RGS6: variants seen among roughly 807,000 people sequenced by gnomAD.
The protein encoded by RGS6 is regulator of G protein signaling 6.
A neutral mutation model predicts 78.5 loss-of-function variants in RGS6; 30 were observed. The observed-to-expected ratio is 0.38, with a 90% CI of 0.29 to 0.52. RGS6 has a LOEUF of 0.52. Among genes scored for constraint, RGS6 ranks in the 20% least tolerant of loss-of-function variants. RGS6 has a pLI of 0.85. For synonymous variants in RGS6, 206 were observed against 206.0 expected (o/e 1.00, Z 0.00); for missense variants, 495 against 609.7 (o/e 0.81, Z 1.98).
At chr14:71,950,047 G>A (rs1002746014) in intron 1 of RGS6, among the ~76,000 whole-genome samples, 13 of 151,946 alleles carry the variant, frequency 8.6e-5, no homozygotes, top group East Asian at 1.9e-4. Flanking sequence ...TATTGATAAC[G>A]CACTGTCTTA....
At chr14:72,380,283 C>A (rs2085734421) in intron 3 of RGS6, among the ~76,000 whole-genome samples, 1 of 151,932 alleles carries the variant, frequency 6.6e-6, no homozygotes, top group South Asian at 2.1e-4. Flanking sequence ...GAATAAGACC[C>A]CACTGGCACA....
the RGS6 span, among the ~76,000 whole-genome samples, chr14:71,871,382 A>G: frequency 6.6e-6 from 1 of 151,936 alleles, no homozygotes; most frequent in East Asian, 1.9e-4. Flanking sequence ...GGTTACATAA[A>G]TCTCCTTATT....
intron 2 of RGS6, among the ~76,000 whole-genome samples, chr14:72,203,635 T>C (rs1195783281): frequency 6.6e-6 from 1 of 152,142 alleles, no homozygotes; most frequent in Admixed American, 6.5e-5. Context: ...CCTGGGCCTC[T>C]CCAAAGGGCT....
rs35022655 is a variant in RGS6, at chr14:72,214,177, A to ATTTTT, written c.85-137905_85-137901dup. ...AAAAAACTACACTGTTTATTTTCTTATTTTTTTTTTTTTTTTTCACTGGGG... is the reference window on the plus strand; with the variant it reads ...AAAAAACTACACTGTTTATTTTCTTATTTTTTTTTTTTTTTTTTTTTTCACTGGGG... On this transcript the variant is annotated intron_variant, in intron 2 of 17. Transcript: ENST00000553525. 2.3e-5 allele frequency among the ~76,000 whole-genome samples: 3 copies of ATTTTT among 131,244 alleles called. No homozygotes were observed. In the East Asian group the frequency reaches 6.6e-4, roughly 29 times the overall value. 86.1% of individuals were successfully genotyped at this position (131,244 alleles called of 152,430 possible). A position where few individuals can be genotyped will look rare whatever the true frequency, so the allele number is the denominator to read the frequency against.
chr14:72,108,239 C>G (rs1381477033), intron 2 of RGS6, among the ~76,000 whole-genome samples: 2 of 152,076 alleles, frequency 1.3e-5, no homozygotes, highest in East Asian at 3.9e-4. Context: ...ATTGAGTACC[C>G]TAGATACATT....
chr14:72,461,432 A>C (rs751796161), intron 6 of RGS6, among the ~76,000 whole-genome samples: 12 of 152,208 alleles, frequency 7.9e-5, no homozygotes, highest in Non-Finnish European at 1.5e-4. Flanking sequence ...GGAGAGAAAT[A>C]ATAGTTTGTT....
chr14:72,227,291 T>G (rs1257916386), intron 2 of RGS6, among the ~76,000 whole-genome samples: 1 of 152,160 alleles, frequency 6.6e-6, no homozygotes, highest in Non-Finnish European at 1.5e-5. Context: ...TTTTTAAAAT[T>G]TGTTTTAGAC....
At chr14:71,944,922 C>G (rs1159873658) in intron 1 of RGS6, among the ~76,000 whole-genome samples, 1 of 152,172 alleles carries the variant, frequency 6.6e-6, no homozygotes, top group East Asian at 1.9e-4. Flanking sequence ...TGTTACTGTA[C>G]TGAATACTGT....
intron 1 of RGS6, among the ~76,000 whole-genome samples, chr14:71,955,608 G>A (rs1331370023): frequency 6.6e-6 from 1 of 152,120 alleles, no homozygotes; most frequent in African/African-American, 2.4e-5. Context: ...ATGTTGCCAT[G>A]GCATTTATAA....
intron 2 of RGS6, among the ~76,000 whole-genome samples, chr14:72,141,456 T>G (rs1018622698): frequency 1.3e-5 from 2 of 152,216 alleles, no homozygotes; most frequent in African/African-American, 4.8e-5. Flanking sequence ...CAGTGGGCAC[T>G]GTAGGGACAG....
chr14:72,246,779 G>A (rs539242029), intron 2 of RGS6, among the ~76,000 whole-genome samples: 156 of 152,092 alleles, frequency 1.0e-3, no homozygotes, highest in Non-Finnish European at 1.8e-3. Flanking sequence ...GCATGGTGGC[G>A]TCTGTAGTCC....
chr14:72,078,317 C>T (rs2094669486), intron 2 of RGS6, among the ~76,000 whole-genome samples: 1 of 152,164 alleles, frequency 6.6e-6, no homozygotes, highest in African/African-American at 2.4e-5. Context: ...GCAGAAGCCA[C>T]CATACTTCCT....
chr14:72,577,424 G>A, the RGS6 span, among the ~76,000 whole-genome samples: 1 of 152,058 alleles, frequency 6.6e-6, no homozygotes. Context: ...GCTTAGTGCC[G>A]ACCATTTACT....
chr14:72,219,419 T>A (rs1043499558), intron 2 of RGS6, among the ~76,000 whole-genome samples: 4 of 152,212 alleles, frequency 2.6e-5, no homozygotes, highest in Admixed American at 2.0e-4. Context: ...TTTCATTTTT[T>A]AAAATATTTG....
chr14:72,198,092 G>A (rs186603296), intron 2 of RGS6, among the ~76,000 whole-genome samples: 15 of 152,160 alleles, frequency 9.9e-5, no homozygotes, highest in East Asian at 3.9e-4. Context: ...TGGGCGCAGC[G>A]GCTCACACCT....
chr14:72,561,417 G>A (rs1312016291), intron 17 of RGS6, among the ~76,000 whole-genome samples: 1 of 152,184 alleles, frequency 6.6e-6, no homozygotes, highest in African/African-American at 2.4e-5. Flanking sequence ...AATCTGCCTG[G>A]GTCTAGCCAT....
intron 2 of RGS6, among the ~76,000 whole-genome samples, chr14:72,182,460 AGCT>A: frequency 6.6e-6 from 1 of 151,202 alleles, no homozygotes; most frequent in South Asian, 2.1e-4. Context: ...AAGAAAGAAT[AGCT>A]TATATTTTCT....
intron 3 of RGS6, among the ~76,000 whole-genome samples, chr14:72,355,474 T>TA (rs2080079960): frequency 6.6e-6 from 1 of 152,134 alleles, no homozygotes; most frequent in Admixed American, 6.6e-5. Flanking sequence ...TGGTTCTTTT[T>TA]ACAATATACT....
intron 1 of RGS6, among the ~76,000 whole-genome samples, chr14:71,957,939 G>A (rs768778413): frequency 1.3e-5 from 2 of 151,604 alleles, no homozygotes; most frequent in Admixed American, 1.3e-4. Flanking sequence ...GCTAATTTTT[G>A]TATTTTTTTG....
Sources: allele counts gnomAD v4.1 joint callset (sites outside exome capture counted in the v4.1 genomes callset), GRCh38; gene constraint gnomAD v4.1.1; transcripts MANE v1.5; gene names NCBI Gene and HGNC (gene_info 2026-07-23, HGNC 2026-07-21).